Variants in JAM3 observed in about 807,000 individuals in gnomAD.
The protein encoded by JAM3 is junctional adhesion molecule 3, also known as junctional adhesion molecule C.
A neutral mutation model predicts 39.4 loss-of-function variants in JAM3; 31 were observed. The observed-to-expected ratio is 0.79, with a 90% CI of 0.59 to 1.06. JAM3 has a LOEUF of 1.06. Among genes scored for constraint, JAM3 ranks in the 50% least tolerant of loss-of-function variants. The pLI is 0.00. For synonymous variants in JAM3, 182 were observed against 148.7 expected, an observed-to-expected ratio of 1.22 and a Z score of -1.63; for missense variants, 455 against 391.4, an observed-to-expected ratio of 1.16 and a Z score of -1.37.
At chr11:134,109,146 G>T (rs1165164902) in intron 1 of JAM3, among the ~76,000 whole-genome samples, 1 of 152,104 alleles carries the variant, frequency 6.6e-6, no homozygotes, top group African/African-American at 2.4e-5. Flanking sequence ...ATTTTTAGAA[G>T]AGAAGGAGTT....
intron 3 of JAM3, among the ~76,000 whole-genome samples, chr11:134,141,352 G>A (rs1942969199): frequency 6.6e-6 from 1 of 152,092 alleles, no homozygotes; most frequent in South Asian, 2.1e-4. Context: ...GATCAGGAGA[G>A]AATGCTGTGT....
At position 134,143,818 on chromosome 11, in the gene JAM3, G is replaced by T. The variant is rs114198033; in HGVS notation, c.257-423G>T. On this transcript the variant is annotated intron_variant, in intron 3 of 8. Transcript: ENST00000299106. ...TTTATAGTTTTAACTCCTATGTTAG[G>T]TCTTTGTTGTATATGGAGTGAGAGA... Among the ~76,000 whole-genome samples, 637 of 152,288 alleles carry T rather than the reference G, an allele frequency of 4.2e-3. 4 individuals carry two copies. The highest frequency in any genetic ancestry group is 0.015 in the African/African-American group (610 of 41,544).
intron 1 of JAM3, among the ~76,000 whole-genome samples, chr11:134,110,637 A>T (rs1232598414): frequency 6.6e-6 from 1 of 152,108 alleles, no homozygotes; most frequent in Non-Finnish European, 1.5e-5. Context: ...GACAGGGCAG[A>T]TGGGGTGAAT....
intron 1 of JAM3, among the ~76,000 whole-genome samples, chr11:134,117,605 A>G (rs1942461853): frequency 6.6e-6 from 1 of 152,084 alleles, no homozygotes; most frequent in Non-Finnish European, 1.5e-5. Flanking sequence ...TAGCATATTT[A>G]TTTTTCCTTT....
intron 1 of JAM3, among the ~76,000 whole-genome samples, chr11:134,137,797 C>T (rs1309336122): frequency 1.2e-4 from 1 of 8,004 alleles, no homozygotes; most frequent in Non-Finnish European, 2.1e-4. Context: ...TCCCTTAGAG[C>T]CAGTGGTGGC....
rs745951708 is a variant in JAM3, at chr11:134,144,303, C to T, written c.319C>T (p.Arg107Trp). 77 of 1,614,018 alleles carry T rather than the reference C, an allele frequency of 4.8e-5. No homozygotes were observed. Among genetic ancestry groups the T allele is most frequent in the Non-Finnish European group, 6.0e-5 (71 of 1,180,000 alleles). ...ATCCCTGAAGATCTGGAATGTGACA[C>T]GGAGAGACTCAGCCCTTTATCGCTG... ...KTSLKIWNVTRRDSALYRCEV... is the reference protein window; with the variant it reads ...KTSLKIWNVTWRDSALYRCEV... Residue 107 changes from arginine to tryptophan, a missense_variant, in exon 4 of 9, where the codon CGG becomes TGG. Transcript: ENST00000299106.
In JAM3 at chr11:134,148,993, C is replaced by CAA. The variant is rs1555121838; in HGVS notation, c.898-152_898-151insAA. 2.4e-4 allele frequency among the ~76,000 whole-genome samples: 36 copies of CAA among 148,992 alleles called. 1 individual carries two copies. Among genetic ancestry groups the CAA allele is most frequent in the Admixed American group, 1.1e-3 (16 of 15,072 alleles). On this transcript the variant is annotated intron_variant, in intron 8 of 8. Coordinates refer to ENST00000299106, the MANE Select transcript of JAM3 (RefSeq NM_032801.5). ...ACACACACACACACACACACACACA[C>CAA]ACTAATGGGATTTGTGCTTTGCAAG...
At chr11:134,116,515 A>G (rs1296967830) in intron 1 of JAM3, among the ~76,000 whole-genome samples, 1 of 152,138 alleles carries the variant, frequency 6.6e-6, no homozygotes, top group East Asian at 1.9e-4. Flanking sequence ...AGCTTTGGCC[A>G]CTGGAAGCTC....
intron 1 of JAM3, chr11:134,124,029 G>A: frequency 2.8e-6 from 4 of 1,448,510 alleles, no homozygotes; most frequent in Non-Finnish European, 3.9e-6. Flanking sequence ...CGCAACACAA[G>A]GCACTGCAAC....
chr11:134,118,335 G>T (rs1037537387), intron 1 of JAM3, among the ~76,000 whole-genome samples: 4 of 152,162 alleles, frequency 2.6e-5, no homozygotes, highest in African/African-American at 9.7e-5. Context: ...CCAGGCTCAT[G>T]CAAAGATGGT....
intron 1 of JAM3, among the ~76,000 whole-genome samples, chr11:134,082,739 T>C (rs1391732146): frequency 6.6e-6 from 1 of 152,068 alleles, no homozygotes; most frequent in African/African-American, 2.4e-5. Context: ...AGCACGAAAA[T>C]GGACTAATAC....
At chr11:134,116,655 G>C (rs935665339) in intron 1 of JAM3, among the ~76,000 whole-genome samples, 2 of 151,464 alleles carry the variant, frequency 1.3e-5, no homozygotes, top group Non-Finnish European at 2.9e-5. Flanking sequence ...AGGGAGCCCT[G>C]ATTCTTTTTA....
At chr11:134,131,967 T>C (rs950273743) in intron 1 of JAM3, among the ~76,000 whole-genome samples, 1 of 152,182 alleles carries the variant, frequency 6.6e-6, no homozygotes, top group Non-Finnish European at 1.5e-5. Flanking sequence ...AAGTGGACCA[T>C]CATATGCATT....
chr11:134,086,807 T>TTTG (rs1286165221), intron 1 of JAM3, among the ~76,000 whole-genome samples: 4 of 152,074 alleles, frequency 2.6e-5, no homozygotes, highest in East Asian at 1.9e-4. Flanking sequence ...AGTGGTTTTT[T>TTTG]TTGTTGTTGT....
intron 1 of JAM3, chr11:134,139,525 G>A (rs1477183815): frequency 5.7e-6 from 2 of 351,690 alleles, no homozygotes; most frequent in Non-Finnish European, 1.1e-5. Context: ...AGAAGGCCCG[G>A]GCAGGTCTGG....
At chr11:134,089,470 C>T (rs1393235907) in intron 1 of JAM3, among the ~76,000 whole-genome samples, 1 of 152,084 alleles carries the variant, frequency 6.6e-6, no homozygotes, top group African/African-American at 2.4e-5. Context: ...CCCTGTACCC[C>T]ACAACAGGCC....
chr11:134,087,685 G>C (rs1345285652), intron 1 of JAM3, among the ~76,000 whole-genome samples: 1 of 152,168 alleles, frequency 6.6e-6, no homozygotes, highest in Admixed American at 6.5e-5. Context: ...TGATGATCAG[G>C]GGACCCAGGT....
intron 1 of JAM3, among the ~76,000 whole-genome samples, chr11:134,101,001 CG>C (rs1565488614): frequency 6.6e-6 from 1 of 152,110 alleles, no homozygotes; most frequent in Non-Finnish European, 1.5e-5. Flanking sequence ...AAACCATTCT[CG>C]GTATAAGTGG....
At chr11:134,102,419 C>T (rs1030751976) in intron 1 of JAM3, among the ~76,000 whole-genome samples, 3 of 152,186 alleles carry the variant, frequency 2.0e-5, no homozygotes. Context: ...GGGGAAAAAA[C>T]AGAGCAGAAA....
Sources: allele counts gnomAD v4.1 joint callset (sites outside exome capture counted in the v4.1 genomes callset), GRCh38; gene constraint gnomAD v4.1.1; transcripts MANE v1.5; gene names NCBI Gene and HGNC (gene_info 2026-07-23, HGNC 2026-07-21).